GOLGA4: variants seen among roughly 807,000 people sequenced by gnomAD.
GOLGA4 encodes the protein golgin subfamily A member 4.
Under a neutral mutation model 265.9 loss-of-function variants are expected in GOLGA4, and 169 were observed. The observed-to-expected ratio is 0.64, with a 90% CI of 0.56 to 0.72. The LOEUF (loss-of-function observed/expected upper bound fraction) is 0.72, where lower values mean the gene tolerates loss of function less well. Among genes scored for constraint, GOLGA4 ranks in the 30% least tolerant of loss-of-function variants. The pLI, the probability that GOLGA4 is intolerant of heterozygous loss-of-function variation, is 0.00. For missense variants in GOLGA4, 2,482 were observed against 2,483.4 expected, an observed-to-expected ratio of 1.00 and a Z score of 0.01; for synonymous variants, 923 against 855.8, an observed-to-expected ratio of 1.08 and a Z score of -1.37.
At chr3:37,317,255 C>T (rs539434794) in intron 11 of GOLGA4, among the ~76,000 whole-genome samples, 10 of 152,156 alleles carry the variant, frequency 6.6e-5, no homozygotes, top group Admixed American at 1.3e-4. Flanking sequence ...CTGCATCCTC[C>T]GCCCCCCACG....
At chr3:37,312,658 A>C (rs1280912657) in intron 10 of GOLGA4, among the ~76,000 whole-genome samples, 1 of 151,712 alleles carries the variant, frequency 6.6e-6, no homozygotes, top group Non-Finnish European at 1.5e-5. Context: ...AGAGTAGCTC[A>C]GACTACAGGT....
At chr3:37,361,465 T>G (rs910485249) in intron 23 of GOLGA4, among the ~76,000 whole-genome samples, 160 bp downstream of exon 23, 2 of 152,208 alleles carry the variant, frequency 1.3e-5, no homozygotes, top group African/African-American at 4.8e-5. Context: ...TATGGATCGA[T>G]AATAGTTAAA....
intron 20 of GOLGA4, among the ~76,000 whole-genome samples, chr3:37,345,113 G>C (rs546056068): frequency 9.2e-5 from 14 of 152,258 alleles, no homozygotes; most frequent in Non-Finnish European, 1.8e-4. Context: ...GGGAGGCTGA[G>C]GTGGGAGGAT....
At chr3:37,306,543 G>GTA (rs1491052573) in intron 10 of GOLGA4, among the ~76,000 whole-genome samples, 1 of 144,036 alleles carries the variant, frequency 6.9e-6, no homozygotes, top group East Asian at 2.1e-4. Flanking sequence ...GTGTGTGTGT[G>GTA]TATCAGGATA....
intron 10 of GOLGA4, among the ~76,000 whole-genome samples, chr3:37,306,132 G>A (rs974946799): frequency 6.6e-6 from 1 of 152,180 alleles, no homozygotes; most frequent in Non-Finnish European, 1.5e-5. Flanking sequence ...CCGATTTCAG[G>A]ATGGTGTATC....
At chr3:37,277,641 CA>C (rs2096823044) in intron 2 of GOLGA4, among the ~76,000 whole-genome samples, 1 of 152,162 alleles carries the variant, frequency 6.6e-6, no homozygotes, top group Non-Finnish European at 1.5e-5. Flanking sequence ...GATTGTTGAA[CA>C]AACTGAATAT....
chr3:37,309,541 C>T (rs1325923080), intron 10 of GOLGA4, among the ~76,000 whole-genome samples: 4 of 152,160 alleles, frequency 2.6e-5, no homozygotes, highest in South Asian at 2.1e-4. Context: ...GCTGACAGAG[C>T]GAGACTCTTG....
intron 19 of GOLGA4, among the ~76,000 whole-genome samples, chr3:37,338,289 TC>T (rs1379312353): frequency 2.6e-5 from 4 of 152,218 alleles, no homozygotes; most frequent in Non-Finnish European, 5.9e-5. Flanking sequence ...CCTGGGATTT[TC>T]CCAGTTCTTT....
chr3:37,344,218 C>T (rs2097048575), intron 20 of GOLGA4, among the ~76,000 whole-genome samples: 1 of 152,226 alleles, frequency 6.6e-6, no homozygotes, highest in African/African-American at 2.4e-5. Context: ...TGTCATGTTT[C>T]AGCCTCTAAA....
Position 37,358,255 on chromosome 3 carries a change from A to G in GOLGA4, c.6664-2988A>G, listed in dbSNP as rs972480120. On this transcript the variant is annotated intron_variant, in intron 22 of 23. Transcript: ENST00000361924. ...ATTATACATTTACTTTGTAGCACTAATCAAAAGCTTTCTATGACTGCTGGT... is the reference window on the plus strand; with the variant it reads ...ATTATACATTTACTTTGTAGCACTAGTCAAAAGCTTTCTATGACTGCTGGT... Among the ~76,000 whole-genome samples, 4 of 152,296 alleles carry G rather than the reference A, an allele frequency of 2.6e-5. No homozygotes were observed. In the South Asian group the frequency reaches 6.2e-4, roughly 24 times the overall value.
intron 2 of GOLGA4, among the ~76,000 whole-genome samples, chr3:37,280,546 A>C (rs1402716466): frequency 6.6e-6 from 1 of 152,186 alleles, no homozygotes; most frequent in African/African-American, 2.4e-5. Context: ...TGAAATCCAA[A>C]ATACCTGGTT....
chr3:37,321,778 GCAAGAA>G lies in GOLGA4; in HGVS notation c.1594_1599del (p.Gln532_Glu533del). ...TGAAGATCAGCCAAGAAAAAGAACA[GCAAGAA>G]TCTTTGGCCCTAGAAGAGTTAGAGT... is the stretch of plus-strand genomic sequence containing the variant. On this transcript the variant is annotated inframe_deletion, in exon 13 of 24. Transcript: ENST00000361924. The G allele has an allele frequency of 2.5e-6, 4 of 1,611,940 alleles. No homozygotes were observed. Among genetic ancestry groups the G allele is most frequent in the Non-Finnish European group, 3.4e-6 (4 of 1,179,308 alleles).
At chr3:37,262,532 A>T (rs2096772630) in intron 2 of GOLGA4, among the ~76,000 whole-genome samples, 1 of 151,962 alleles carries the variant, frequency 6.6e-6, no homozygotes, top group South Asian at 2.1e-4. Context: ...TGGAAATGAA[A>T]AAAAAATTGA....
At chr3:37,314,296 G>A (rs1399163325) in intron 10 of GOLGA4, among the ~76,000 whole-genome samples, 1 of 152,020 alleles carries the variant, frequency 6.6e-6, no homozygotes, top group African/African-American at 2.4e-5. Context: ...TTACACACCT[G>A]TTGCACCCGT....
At chr3:37,353,960 T>A (rs1420556657) in intron 21 of GOLGA4, among the ~76,000 whole-genome samples, 1 of 152,048 alleles carries the variant, frequency 6.6e-6, no homozygotes, top group Non-Finnish European at 1.5e-5. Flanking sequence ...GAAACTAAAG[T>A]CTTGCCATGT....
At chr3:37,345,964 A>G (rs2097054904) in intron 20 of GOLGA4, among the ~76,000 whole-genome samples, 1 of 152,072 alleles carries the variant, frequency 6.6e-6, no homozygotes, top group South Asian at 2.1e-4. Context: ...AAAAAAAGTA[A>G]TCTGCCTATT....
intron 2 of GOLGA4, chr3:37,275,853 G>T (rs965924952): frequency 2.2e-5 from 36 of 1,613,628 alleles, no homozygotes; most frequent in Admixed American, 1.2e-4. Context: ...AATGCTATTC[G>T]CAAGCAGAGT....
intron 13 of GOLGA4, among the ~76,000 whole-genome samples, chr3:37,322,484 C>A (rs2096957833): frequency 6.6e-6 from 1 of 152,022 alleles, no homozygotes; most frequent in Non-Finnish European, 1.5e-5. Context: ...GACTTGTTAG[C>A]TTTTTTGCTC....
intron 23 of GOLGA4, 114 bp from the exon 24 acceptor site, chr3:37,365,966 A>T: frequency 1.2e-6 from 1 of 867,896 alleles, no homozygotes; most frequent in South Asian, 1.7e-5. Flanking sequence ...TCTCTAGACC[A>T]TGGAATAGAA....
Sources: gnomAD v4.1 joint callset for allele counts (sites outside exome capture counted in the v4.1 genomes callset) on GRCh38, gnomAD v4.1.1 for gene constraint, MANE v1.5 for transcripts, NCBI Gene and HGNC (gene_info 2026-07-23, HGNC 2026-07-21) for gene names.